EFNA3: variants seen among roughly 807,000 people sequenced by gnomAD.
The protein encoded by EFNA3 is ephrin-A3.
EFNA3 carries 15 observed loss-of-function variants against 25.0 expected under a neutral mutation model. That is an observed-to-expected ratio of 0.60 (90% confidence interval 0.40 to 0.92). The LOEUF (loss-of-function observed/expected upper bound fraction) is 0.92, where lower values mean the gene tolerates loss of function less well. EFNA3 is among the 40% of genes least tolerant of loss of function. The pLI, the probability that EFNA3 is intolerant of heterozygous loss-of-function variation, is 0.00. For synonymous variants in EFNA3, 153 were observed against 145.6 expected (o/e 1.05, Z -0.37); for missense variants, 298 against 323.8 (o/e 0.92, Z 0.61).
Position 155,087,442 on chromosome 1 carries a change from G to C in EFNA3, c.*899G>C, listed in dbSNP as rs1358102762. The C allele has an allele frequency of 6.5e-6, 1 of 152,786 alleles. No individual in the cohort carries two copies. The allele number at this position is 152,786 out of a possible 1,614,324, so 9.5% of individuals were successfully genotyped here. On this transcript the variant is annotated 3_prime_UTR_variant, in exon 5 of 5. Coordinates refer to ENST00000368408, the MANE Select transcript of EFNA3 (RefSeq NM_004952.5). ...GGACCTTGCCCTGCTCACCCTATGTGGTCCCACCTATCCTCCTGGGCCTTT... is the reference window on the plus strand; with the variant it reads ...GGACCTTGCCCTGCTCACCCTATGTCGTCCCACCTATCCTCCTGGGCCTTT...
In EFNA3 at chr1:155,085,029, C is replaced by G; in HGVS notation, c.129-62C>G. 1 of 1,567,702 alleles carries G rather than the reference C, an allele frequency of 6.4e-7. No homozygotes were observed. Among genetic ancestry groups the G allele is most frequent in the Non-Finnish European group, 8.7e-7 (1 of 1,150,826 alleles). ...CCCTGGGGAGGGGCTGCGGAGCGGT[C>G]AGATGGAAAGCGGCTTTGCTCTGGG... On this transcript the variant is annotated intron_variant, in intron 1 of 4. Coordinates refer to ENST00000368408, the MANE Select transcript of EFNA3 (RefSeq NM_004952.5). This position sits in a 1 kb window ranked among gnomAD's most constrained non-coding sequence, Gnocchi z 4.4.
At chr1:155,086,103 T>TCCCCCCCCCCCC in intron 3 of EFNA3, 25 bp from the exon 4 acceptor site, 27 of 1,577,658 alleles carry the variant, frequency 1.7e-5, no homozygotes, top group Non-Finnish European at 2.2e-5. Flanking sequence ...CCCTCCTCTC[T>TCCCCCCCCCCCC]CCCCACCCGC....
chr1:155,086,436 C>G lies in EFNA3; in HGVS notation c.610C>G (p.Gln204Glu), dbSNP rs763709718. Reference protein sequence around the residue: ...VLEDFEGENPQVPKLEKSISG... With the variant: ...VLEDFEGENPEVPKLEKSISG... ...AGAAGACTTTGAGGGAGAGAACCCTCAGGTGCCCAAGCTTGAGAAGAGCAT... is the reference window on the plus strand; with the variant it reads ...AGAAGACTTTGAGGGAGAGAACCCTGAGGTGCCCAAGCTTGAGAAGAGCAT... The change falls in exon 5 of 5, where the codon CAG becomes GAG. Residue 204 changes from glutamine to glutamate, a missense_variant. By Grantham distance (29) the Gln-to-Glu change is conservative. Coordinates refer to ENST00000368408, the MANE Select transcript of EFNA3 (RefSeq NM_004952.5). The G allele has an allele frequency of 1.4e-5, 22 of 1,614,114 alleles. No individual in the cohort carries two copies. The highest frequency in any genetic ancestry group is 1.8e-5 in the Non-Finnish European group (21 of 1,179,970).
rs1270923544 is a variant in EFNA3 at position 155,085,067 on chromosome 1, T to A, written c.129-24T>A. 1 of 1,611,898 alleles carries A rather than the reference T, an allele frequency of 6.2e-7. No individual in the cohort carries two copies. The highest frequency in any genetic ancestry group is 8.5e-7 in the Non-Finnish European group (1 of 1,179,306). Reference sequence around the variant, plus strand: ...GCTTTGCTCTGGGGTTTCTTCTCTCTGAGCCGCTTCCTCTTCCCCACAGCC... The same window carrying A: ...GCTTTGCTCTGGGGTTTCTTCTCTCAGAGCCGCTTCCTCTTCCCCACAGCC... On this transcript the variant is annotated intron_variant, in intron 1 of 4. Coordinates refer to ENST00000368408, the MANE Select transcript of EFNA3 (RefSeq NM_004952.5). This position sits in a 1 kb window ranked among gnomAD's most constrained non-coding sequence, Gnocchi z 4.4.
Position 155,085,140 on chromosome 1 carries a change from G to C in EFNA3, c.178G>C (p.Asp60His). The C allele has an allele frequency of 6.2e-7, 1 of 1,613,652 alleles. No individual in the cohort carries two copies. Among genetic ancestry groups the C allele is most frequent in the Non-Finnish European group, 8.5e-7 (1 of 1,180,028 alleles). Residue 60 changes from aspartate to histidine, a missense_variant, in exon 2 of 5, where the codon GAT (aspartate) becomes CAT (histidine). Physicochemically the swap from Asp to His is moderately conservative, Grantham distance 81. Coordinates refer to ENST00000368408, the MANE Select transcript of EFNA3 (RefSeq NM_004952.5). This position sits in a 1 kb window ranked among gnomAD's most constrained non-coding sequence, Gnocchi z 4.4. The part of the protein sequence containing the change: ...TVQVNVNDYL[D>H]IYCPHYNSSG... ...GCAGGTGAACGTGAACGACTATCTG[G>C]ATATTTACTGCCCGCACTACAACAG...
Position 155,085,431 on chromosome 1 carries a change from G to C in EFNA3, c.442+27G>C. On this transcript the variant is annotated intron_variant, in intron 2 of 4. Coordinates refer to ENST00000368408, the MANE Select transcript of EFNA3 (RefSeq NM_004952.5). This position sits in a 1 kb window ranked among gnomAD's most constrained non-coding sequence, Gnocchi z 4.4. Reference sequence around the variant, plus strand: ...TGAGTGACGGCGGCCGGGCGGGCGGGTCTGAACGCGAGAGTCTGAGTGACA... The same window carrying C: ...TGAGTGACGGCGGCCGGGCGGGCGGCTCTGAACGCGAGAGTCTGAGTGACA... 6.5e-7 allele frequency: 1 copy of C among 1,528,996 alleles called. No individual in the cohort carries two copies. 94.7% of individuals were successfully genotyped at this position (1,528,996 alleles called of 1,614,324 possible).
At position 155,086,567 on chromosome 1, in the gene EFNA3, G is replaced by GGA; in HGVS notation, c.*24_*25insGA. The GGA allele has an allele frequency of 6.2e-7, 1 of 1,611,260 alleles. No homozygotes were observed. The highest frequency in any genetic ancestry group is 1.3e-5 in the African/African-American group (1 of 74,480). ...AGCTCTGCCCCCTCCCCTGGGGGGG[G>GGA]AGAGATGGGGCGGGGCTTGGAAGGA... is the stretch of plus-strand genomic sequence containing the variant. On this transcript the variant is annotated 3_prime_UTR_variant, in exon 5 of 5. Coordinates refer to ENST00000368408, the MANE Select transcript of EFNA3 (RefSeq NM_004952.5).
At chr1:155,082,599 C>T (rs576260692) in intron 1 of EFNA3, among the ~76,000 whole-genome samples, 8 of 152,148 alleles carry the variant, frequency 5.3e-5, no homozygotes, top group Non-Finnish European at 1.2e-4. Context: ...GAGGGGACAC[C>T]CCCTCCAAAT....
Position 155,085,016 on chromosome 1 carries a change from GC to G in EFNA3, c.129-74del. ...AAGGCTACGCGGACCCTGGGGAGGG[GC>G]TGCGGAGCGGTCAGATGGAAAGCGG... On this transcript the variant is annotated intron_variant, in intron 1 of 4. Coordinates refer to ENST00000368408, the MANE Select transcript of EFNA3 (RefSeq NM_004952.5). The surrounding 1 kb of genome is among the most constrained non-coding windows in gnomAD (Gnocchi z 4.4). 2 of 1,525,894 alleles carry G rather than the reference GC, an allele frequency of 1.3e-6. No homozygotes were observed. Among genetic ancestry groups the G allele is most frequent in the Non-Finnish European group, 1.8e-6 (2 of 1,113,836 alleles). The allele number at this position is 1,525,894 out of a possible 1,614,324, so 94.5% of individuals were successfully genotyped here. A position where few individuals can be genotyped will look rare whatever the true frequency, so the allele number is the denominator to read the frequency against.
rs1663328571 is a variant in EFNA3, at chr1:155,080,795, G to C, written c.128+1726G>C. Among the ~76,000 whole-genome samples the C allele has an allele frequency of 6.6e-6, 1 of 152,186 alleles. No homozygotes were observed. Among genetic ancestry groups the C allele is most frequent in the Admixed American group, 6.5e-5 (1 of 15,284 alleles). On this transcript the variant is annotated intron_variant, in intron 1 of 4. Transcript: ENST00000368408. The surrounding 1 kb of genome is among the most constrained non-coding windows in gnomAD (Gnocchi z 7.0). ...CCTTTCTGTCCTCTCTACTCCGTGCGGGCCTGGGCCGGCAGAGGTAGGAGG... is the reference window on the plus strand; with the variant it reads ...CCTTTCTGTCCTCTCTACTCCGTGCCGGCCTGGGCCGGCAGAGGTAGGAGG...
In EFNA3 at chr1:155,085,482, CG is replaced by C. The variant is rs1159613439; in HGVS notation, c.442+82del. On this transcript the variant is annotated intron_variant, in intron 2 of 4. Transcript: ENST00000368408. This position sits in a 1 kb window ranked among gnomAD's most constrained non-coding sequence, Gnocchi z 4.4. ...GCCGGGGGGTGGAGCCCCTAGGCTC[CG>C]GGGCGGGGCCGGCGCGGCGGGCGCC... is the stretch of plus-strand genomic sequence containing the variant. The C allele has an allele frequency of 7.0e-7, 1 of 1,438,054 alleles. No homozygotes were observed. The highest frequency in any genetic ancestry group is 9.2e-7 in the Non-Finnish European group (1 of 1,088,924). 89.1% of individuals were successfully genotyped at this position (1,438,054 alleles called of 1,614,324 possible).
At chr1:155,084,010 CACTTTGAT>C (rs1663391959) in intron 1 of EFNA3, among the ~76,000 whole-genome samples, 1 of 152,246 alleles carries the variant, frequency 6.6e-6, no homozygotes, top group Non-Finnish European at 1.5e-5. Flanking sequence ...TTAAGACCAA[CACTTTGAT>C]GGTGACTAGC....
At position 155,081,192 on chromosome 1, in the gene EFNA3, G is replaced by A. The variant is rs1375574207; in HGVS notation, c.128+2123G>A. On this transcript the variant is annotated intron_variant, in intron 1 of 4. Coordinates refer to ENST00000368408, the MANE Select transcript of EFNA3 (RefSeq NM_004952.5). The surrounding 1 kb of genome is among the most constrained non-coding windows in gnomAD (Gnocchi z 5.2). ...GGGGACTGTGCCTTGCACACCGGCC[G>A]CGACCTAGCCCTCTGCCCCCCACTC... Among the ~76,000 whole-genome samples the A allele has an allele frequency of 6.6e-6, 1 of 152,220 alleles. No individual in the cohort carries two copies. The highest frequency in any genetic ancestry group is 2.4e-5 in the African/African-American group (1 of 41,458).
At position 155,086,561 on chromosome 1, in the gene EFNA3, G is replaced by GA. The variant is rs777341003; in HGVS notation, c.*18_*19insA. 3 of 1,611,936 alleles carry GA rather than the reference G, an allele frequency of 1.9e-6. No homozygotes were observed. The highest frequency in any genetic ancestry group is 2.7e-5 in the African/African-American group (2 of 74,744). On this transcript the variant is annotated 3_prime_UTR_variant, in exon 5 of 5. Transcript: ENST00000368408. ...CCTCCTAGCTCTGCCCCCTCCCCTG[G>GA]GGGGGGAGAGATGGGGCGGGGCTTG... is the stretch of plus-strand genomic sequence containing the variant.
In EFNA3 at chr1:155,086,491, T is replaced by G; in HGVS notation, c.665T>G (p.Leu222Arg). ...ISGTSPKREHLPLAVGIAFFL... is the reference protein window; with the variant it reads ...ISGTSPKREHRPLAVGIAFFL... ...GGGACCAGCCCCAAACGGGAACACC[T>G]GCCCCTGGCCGTGGGCATCGCCTTC... The change falls in exon 5 of 5, where the codon CTG (leucine) becomes CGG (arginine). Residue 222 changes from leucine to arginine, a missense_variant. By Grantham distance (102) the Leu-to-Arg change is moderately radical. Coordinates refer to ENST00000368408, the MANE Select transcript of EFNA3 (RefSeq NM_004952.5). 1 of 1,614,086 alleles carries G rather than the reference T, an allele frequency of 6.2e-7. No homozygotes were observed. The highest frequency in any genetic ancestry group is 8.5e-7 in the Non-Finnish European group (1 of 1,179,976).
Position 155,079,569 on chromosome 1 carries a change from T to A in EFNA3, c.128+500T>A, listed in dbSNP as rs1037452067. On this transcript the variant is annotated intron_variant, in intron 1 of 4. Coordinates refer to ENST00000368408, the MANE Select transcript of EFNA3 (RefSeq NM_004952.5). The surrounding 1 kb of genome is among the most constrained non-coding windows in gnomAD (Gnocchi z 7.7). ...CTCCCTAGAAGGAAGGCGAATGGGT[T>A]GTCTTGGTTGTGTGGATAAGCCCGG... Among the ~76,000 whole-genome samples, 1 of 151,948 alleles carries A rather than the reference T, an allele frequency of 6.6e-6. No homozygotes were observed. The highest frequency in any genetic ancestry group is 2.4e-5 in the African/African-American group (1 of 41,352).
intron 1 of EFNA3, among the ~76,000 whole-genome samples, chr1:155,082,050 A>T (rs1663351774): frequency 6.6e-6 from 1 of 152,110 alleles, no homozygotes; most frequent in African/African-American, 2.4e-5. Context: ...CCAGACTGGG[A>T]CGGGCGGGGC....
chr1:155,085,043 C>T lies in EFNA3; in HGVS notation c.129-48C>T, dbSNP rs1663424199. The T allele has an allele frequency of 6.3e-7, 1 of 1,594,768 alleles. No individual in the cohort carries two copies. The highest frequency in any genetic ancestry group is 1.3e-5 in the African/African-American group (1 of 74,118). On this transcript the variant is annotated intron_variant, in intron 1 of 4. Transcript: ENST00000368408. This position sits in a 1 kb window ranked among gnomAD's most constrained non-coding sequence, Gnocchi z 4.4. The stretch of plus-strand genomic sequence containing the variant: ...TGCGGAGCGGTCAGATGGAAAGCGG[C>T]TTTGCTCTGGGGTTTCTTCTCTCTG...
intron 4 of EFNA3, 101 bp from the exon 5 acceptor site, chr1:155,086,312 C>A: frequency 6.3e-7 from 1 of 1,595,016 alleles, no homozygotes. Context: ...TACTTCCTAC[C>A]CTGTGGGTGG....
Sources: allele counts gnomAD v4.1 joint callset (sites outside exome capture counted in the v4.1 genomes callset), GRCh38; gene constraint gnomAD v4.1.1; non-coding constraint Gnocchi (gnomAD v3.1); transcripts MANE v1.5; gene names NCBI Gene and HGNC (gene_info 2026-07-23, HGNC 2026-07-21).